The following ANO4 variants were observed in gnomAD, a reference collection of about 807,000 sequenced individuals.
The protein encoded by ANO4 is anoctamin-4.
Under a neutral mutation model 141.9 loss-of-function variants are expected in ANO4, and 69 were observed. The observed-to-expected ratio is 0.49, with a 90% CI of 0.40 to 0.59. ANO4 has a LOEUF of 0.59. Among genes scored for constraint, ANO4 ranks in the 20% least tolerant of loss-of-function variants. The pLI, the probability that ANO4 is intolerant of heterozygous loss-of-function variation, is 0.00. For synonymous variants in ANO4, 350 were observed against 394.3 expected (o/e 0.89, Z 1.33); for missense variants, 894 against 1,162.2 (o/e 0.77, Z 3.36).
At chr12:101,016,180 A>G (rs2046309496) in intron 8 of ANO4, among the ~76,000 whole-genome samples, 1 of 152,182 alleles carries the variant, frequency 6.6e-6, no homozygotes, top group South Asian at 2.1e-4. Context: ...GGTAGCTTAT[A>G]AAGAAACGAG....
At chr12:101,095,646 T>C (rs1471773546) in intron 18 of ANO4, among the ~76,000 whole-genome samples, 1 of 152,212 alleles carries the variant, frequency 6.6e-6, no homozygotes, top group African/African-American at 2.4e-5. Flanking sequence ...GAGTTATAAT[T>C]TGTGGAAATG....
intron 5 of ANO4, among the ~76,000 whole-genome samples, chr12:100,962,567 A>G (rs2043473645): frequency 6.6e-6 from 1 of 152,162 alleles, no homozygotes; most frequent in African/African-American, 2.4e-5. Context: ...GGTGTCTGCC[A>G]GGTTGCATTC....
intron 14 of ANO4, among the ~76,000 whole-genome samples, chr12:101,050,426 A>G (rs1191589403): frequency 6.6e-6 from 1 of 152,172 alleles, no homozygotes; most frequent in African/African-American, 2.4e-5. Flanking sequence ...CTTGCAAACA[A>G]ACTAACCCTA....
intron 3 of ANO4, among the ~76,000 whole-genome samples, chr12:100,749,225 G>A (rs1440488742): frequency 6.6e-6 from 1 of 152,116 alleles, no homozygotes; most frequent in African/African-American, 2.4e-5. Flanking sequence ...GCACAGGGTG[G>A]CTGGGTTCTC....
intron 8 of ANO4, among the ~76,000 whole-genome samples, chr12:100,995,212 T>C (rs1436377418): frequency 4.6e-5 from 7 of 152,188 alleles, no homozygotes; most frequent in Non-Finnish European, 8.8e-5. Context: ...AAGGCAGGCC[T>C]CCTACAGAAG....
At chr12:100,890,338 A>C (rs989649170) in intron 1 of ANO4, among the ~76,000 whole-genome samples, 1 of 152,180 alleles carries the variant, frequency 6.6e-6, no homozygotes, top group South Asian at 2.1e-4. Flanking sequence ...TATTTAATAA[A>C]AATTTTGAAT....
At chr12:100,942,625 A>T in intron 5 of ANO4, 90 bp downstream of exon 5, 1 of 1,339,774 alleles carries the variant, frequency 7.5e-7, no homozygotes, top group South Asian at 1.6e-5. Context: ...CTTAATGTTA[A>T]CCAAACATTT....
rs199806498 is a variant in ANO4, at chr12:100,917,864, T to G, written c.56-4362T>G. Among the ~76,000 whole-genome samples, 7 of 152,326 alleles carry G rather than the reference T, an allele frequency of 4.6e-5. No individual in the cohort carries two copies. The East Asian group carries it at 1.4e-3, about 29-fold the overall frequency. On this transcript the variant is annotated intron_variant, in intron 2 of 27. Transcript: ENST00000392977. ...TTGAAGCTGTTTGGTTTATACATTT[T>G]AAAAAATTACATGAATTTAGAAAAT...
chr12:101,035,945 C>A (rs1376270628), intron 9 of ANO4, among the ~76,000 whole-genome samples: 1 of 152,118 alleles, frequency 6.6e-6, no homozygotes. Flanking sequence ...CCAAATCCCC[C>A]AACACACAAT....
At chr12:100,963,647 G>T (rs1013237341) in intron 5 of ANO4, among the ~76,000 whole-genome samples, 3 of 152,076 alleles carry the variant, frequency 2.0e-5, no homozygotes, top group Non-Finnish European at 4.4e-5. Context: ...TTAGAGACAC[G>T]TGCCCTCATT....
intron 13 of ANO4, among the ~76,000 whole-genome samples, chr12:101,045,664 C>T (rs981042166): frequency 6.6e-6 from 1 of 152,104 alleles, no homozygotes; most frequent in African/African-American, 2.4e-5. Flanking sequence ...CTGGCTTAGT[C>T]AGAAAGTGAT....
At chr12:101,055,319 C>T (rs2048068589) in intron 14 of ANO4, among the ~76,000 whole-genome samples, 1 of 152,160 alleles carries the variant, frequency 6.6e-6, no homozygotes, top group Admixed American at 6.5e-5. Flanking sequence ...TCCAGGTGTT[C>T]CACATTCTCA....
At chr12:101,031,996 G>A (rs935474939) in intron 9 of ANO4, among the ~76,000 whole-genome samples, 3 of 152,142 alleles carry the variant, frequency 2.0e-5, no homozygotes, top group African/African-American at 7.2e-5. Context: ...TTGTAAAAAT[G>A]TTCATACTGC....
At chr12:101,049,607 A>G (rs1359168192) in intron 14 of ANO4, among the ~76,000 whole-genome samples, 1 of 152,034 alleles carries the variant, frequency 6.6e-6, no homozygotes, top group Non-Finnish European at 1.5e-5. Context: ...GGAAAAAGAG[A>G]AGAAGAAAGA....
chr12:100,978,964 G>T (rs940136157), intron 7 of ANO4, among the ~76,000 whole-genome samples: 4 of 152,188 alleles, frequency 2.6e-5, no homozygotes, highest in Non-Finnish European at 5.9e-5. Flanking sequence ...AGAATCCAGT[G>T]TGGGAGTCAG....
intron 9 of ANO4, among the ~76,000 whole-genome samples, chr12:101,034,447 A>G (rs1270032990): frequency 6.6e-6 from 1 of 152,120 alleles, no homozygotes; most frequent in African/African-American, 2.4e-5. Flanking sequence ...ATGAGAACCT[A>G]TGGACACAGG....
At chr12:100,969,745 A>T (rs1218049643) in intron 5 of ANO4, among the ~76,000 whole-genome samples, 1 of 152,246 alleles carries the variant, frequency 6.6e-6, no homozygotes, top group East Asian at 1.9e-4. Context: ...AAGTCTAGCC[A>T]CAAAGCACAA....
At chr12:100,848,402 A>G (rs1433451650) in intron 1 of ANO4, among the ~76,000 whole-genome samples, 3 of 152,204 alleles carry the variant, frequency 2.0e-5, no homozygotes, top group Non-Finnish European at 4.4e-5. Flanking sequence ...TTGGTTTACT[A>G]TCAGAATCAC....
At chr12:101,111,972 A>G (rs1054109168) in intron 24 of ANO4, among the ~76,000 whole-genome samples, 2 of 152,204 alleles carry the variant, frequency 1.3e-5, no homozygotes, top group African/African-American at 2.4e-5. Flanking sequence ...AAGAGTGGCA[A>G]TTAATCATTT....
Sources: allele counts gnomAD v4.1 joint callset (sites outside exome capture counted in the v4.1 genomes callset), GRCh38; gene constraint gnomAD v4.1.1; transcripts MANE v1.5; gene names NCBI Gene and HGNC (gene_info 2026-07-23, HGNC 2026-07-21).